The following TMEM132D variants were observed in gnomAD, a reference collection of about 807,000 sequenced individuals.
The protein encoded by TMEM132D is mature OL transmembrane protein.
Under a neutral mutation model 62.3 loss-of-function variants are expected in TMEM132D, and 21 were observed. The observed-to-expected ratio is 0.34, with a 90% CI of 0.24 to 0.49. The LOEUF is 0.49. Ranked by LOEUF, TMEM132D falls within the 20% of genes least tolerant of loss-of-function variation. The pLI is 0.99. For synonymous variants in TMEM132D, 621 were observed against 575.6 expected (o/e 1.08, Z -1.13); for missense variants, 1,346 against 1,402.8 (o/e 0.96, Z 0.65).
In TMEM132D at chr12:129,077,715, AAAC is replaced by A. The variant is rs559327786; in HGVS notation, c.2115+816_2115+818del. ...AACACACACACATATGCACACATAC[AAAC>A]AACAAATAGACACATGCAATGCATA... On this transcript the variant is annotated intron_variant, in intron 8 of 8. Coordinates refer to ENST00000422113, the MANE Select transcript of TMEM132D (RefSeq NM_133448.3). 1.7e-3 allele frequency among the ~76,000 whole-genome samples: 257 copies of A among 152,238 alleles called. 1 individual carries two copies. Among genetic ancestry groups the A allele is most frequent in the Middle Eastern group, 3.4e-3 (1 of 294 alleles).
intron 4 of TMEM132D, among the ~76,000 whole-genome samples, chr12:129,252,463 T>G (rs1182412900): frequency 1.3e-5 from 2 of 152,126 alleles, no homozygotes; most frequent in East Asian, 3.9e-4. Context: ...TAGCTGGTGG[T>G]GAAGCCAGGA....
chr12:129,622,355 G>A (rs1163456533), intron 2 of TMEM132D, among the ~76,000 whole-genome samples: 4 of 152,180 alleles, frequency 2.6e-5, no homozygotes, highest in African/African-American at 7.2e-5. Flanking sequence ...CAGCACGCAG[G>A]AGGGGCTCTT....
intron 5 of TMEM132D, among the ~76,000 whole-genome samples, chr12:129,096,093 C>T (rs1341324278): frequency 2.0e-5 from 3 of 152,122 alleles, no homozygotes; most frequent in South Asian, 2.1e-4. Context: ...GGCAGCCTTC[C>T]CAGGTATGCA....
intron 4 of TMEM132D, among the ~76,000 whole-genome samples, chr12:129,286,246 T>C (rs371489260): frequency 1.3e-5 from 2 of 152,186 alleles, no homozygotes; most frequent in East Asian, 3.9e-4. Context: ...GCAGAAGGAG[T>C]ACAGAACCCA....
intron 5 of TMEM132D, among the ~76,000 whole-genome samples, chr12:129,207,744 G>A (rs1878897060): frequency 7.0e-6 from 1 of 142,314 alleles, no homozygotes; most frequent in African/African-American, 2.6e-5. Context: ...CTGTGAGGAG[G>A]GGAAGCCAGT....
intron 4 of TMEM132D, among the ~76,000 whole-genome samples, chr12:129,321,224 A>G (rs1461519259): frequency 1.3e-5 from 2 of 152,206 alleles, no homozygotes; most frequent in East Asian, 3.9e-4. Flanking sequence ...CCATTATATG[A>G]TGGAAAATTC....
At chr12:129,225,554 A>G (rs942003071) in intron 4 of TMEM132D, among the ~76,000 whole-genome samples, 6 of 152,164 alleles carry the variant, frequency 3.9e-5, no homozygotes, top group Admixed American at 3.9e-4. Context: ...TCTGCAGCTC[A>G]TTTTTCTTAT....
intron 1 of TMEM132D, among the ~76,000 whole-genome samples, chr12:129,831,946 T>A (rs1872851040): frequency 6.8e-6 from 1 of 146,406 alleles, no homozygotes; most frequent in Non-Finnish European, 1.5e-5. Flanking sequence ...CTCAGCTCAC[T>A]GCAATCTCCA....
intron 1 of TMEM132D, among the ~76,000 whole-genome samples, chr12:129,832,190 T>G (rs1295171356): frequency 6.6e-6 from 1 of 151,250 alleles, no homozygotes; most frequent in Non-Finnish European, 1.5e-5. Context: ...CCTGGCCGTT[T>G]TGTAGCATTT....
intron 3 of TMEM132D, among the ~76,000 whole-genome samples, chr12:129,377,107 C>G (rs577533594): frequency 2.3e-4 from 35 of 152,272 alleles, no homozygotes; most frequent in Non-Finnish European, 3.4e-4. Context: ...ACCTTTTTAA[C>G]AAGTCCTGAC....
At chr12:129,659,876 A>G (rs1229862539) in intron 2 of TMEM132D, among the ~76,000 whole-genome samples, 1 of 152,232 alleles carries the variant, frequency 6.6e-6, no homozygotes, top group Non-Finnish European at 1.5e-5. Flanking sequence ...TCCTATCCCT[A>G]GGTCCAGACC....
chr12:129,415,401 T>TATAC (rs1418734146), intron 3 of TMEM132D, among the ~76,000 whole-genome samples: 1 of 152,188 alleles, frequency 6.6e-6, no homozygotes, highest in Admixed American at 6.5e-5. Flanking sequence ...AGTAGATTGG[T>TATAC]ATACGGGCCA....
chr12:129,170,741 C>CTTGAACCTGT (rs1412374181), intron 5 of TMEM132D, among the ~76,000 whole-genome samples: 1 of 151,804 alleles, frequency 6.6e-6, no homozygotes, highest in Non-Finnish European at 1.5e-5. Flanking sequence ...AGGAGAATTG[C>CTTGAACCTGT]TTGAACCTGG....
chr12:129,090,667 GAAAAA>G (rs34050478), intron 5 of TMEM132D, among the ~76,000 whole-genome samples: 1 of 149,952 alleles, frequency 6.7e-6, no homozygotes, highest in African/African-American at 2.5e-5. Context: ...GACCCTGTCT[GAAAAA>G]AAAAGAAAAG....
intron 1 of TMEM132D, among the ~76,000 whole-genome samples, chr12:129,747,708 ACACT>A (rs1399358777): frequency 3.3e-5 from 5 of 149,830 alleles, no homozygotes; most frequent in East Asian, 2.0e-4. Context: ...CACTCAACAC[ACACT>A]CAGACATACA....
chr12:129,228,265 G>C (rs868258157), intron 4 of TMEM132D, among the ~76,000 whole-genome samples: 1 of 152,148 alleles, frequency 6.6e-6, no homozygotes, highest in African/African-American at 2.4e-5. Context: ...TTGTGGGCTG[G>C]TTTTGCGTGC....
chr12:129,156,329 A>G (rs190355009), intron 5 of TMEM132D, among the ~76,000 whole-genome samples: 2 of 151,736 alleles, frequency 1.3e-5, no homozygotes, highest in Admixed American at 1.3e-4. Flanking sequence ...AAATGAACAT[A>G]CTCCCATGAT....
At chr12:129,741,993 A>C (rs1869624427) in intron 1 of TMEM132D, among the ~76,000 whole-genome samples, 1 of 152,162 alleles carries the variant, frequency 6.6e-6, no homozygotes, top group Non-Finnish European at 1.5e-5. Context: ...AACTAACAAC[A>C]TCTACATCTT....
rs1555240386 is a variant in TMEM132D, at chr12:129,238,996, G to GTTTTTT, written c.1300-29339_1300-29334dup. On this transcript the variant is annotated intron_variant, in intron 4 of 8. Transcript: ENST00000422113. ...TCCTCATCAACATTTGTTATTTTCTGTTTTTTTTTTTTTTTTGGACAGTAA... is the reference window on the plus strand; with the variant it reads ...TCCTCATCAACATTTGTTATTTTCTGTTTTTTTTTTTTTTTTTTTTTTGGACAGTAA... 3.9e-3 allele frequency among the ~76,000 whole-genome samples: 518 copies of GTTTTTT among 133,002 alleles called. 14 individuals carry two copies. Among genetic ancestry groups the GTTTTTT allele is most frequent in the African/African-American group, 0.013 (452 of 35,396 alleles). 87.3% of individuals were successfully genotyped at this position (133,002 alleles called of 152,430 possible). A position where few individuals can be genotyped will look rare whatever the true frequency, so the allele number is the denominator to read the frequency against.
Sources: gnomAD v4.1 joint callset for allele counts (sites outside exome capture counted in the v4.1 genomes callset) on GRCh38, gnomAD v4.1.1 for gene constraint, MANE v1.5 for transcripts, NCBI Gene and HGNC (gene_info 2026-07-23, HGNC 2026-07-21) for gene names.